Variants in SOBP observed in about 807,000 individuals in gnomAD.
SOBP encodes the protein sine oculis-binding protein homolog.
In SOBP, 4 loss-of-function variants were observed where a neutral mutation model predicts 53.6. The observed-to-expected ratio is 0.07, with a 90% CI of 0.04 to 0.17. The LOEUF (loss-of-function observed/expected upper bound fraction) is 0.17. SOBP is among the 10% of genes least tolerant of loss of function. The pLI is 1.00. For synonymous variants in SOBP, 584 were observed against 522.6 expected (o/e 1.12, Z -1.60); for missense variants, 1,088 against 1,204.7 (o/e 0.90, Z 1.43).
intron 4 of SOBP, among the ~76,000 whole-genome samples, chr6:107,575,197 G>A (rs1438340986): frequency 1.3e-5 from 2 of 152,188 alleles, no homozygotes; most frequent in African/African-American, 4.8e-5. Context: ...TGGCAAAATG[G>A]AGGTGGTGAG....
rs557437301 is a variant in SOBP, at chr6:107,499,274, C to T, written c.97-4383C>T. ...ATCTCTCATGCCTGTCTTTTACCTT[C>T]TTGATGTTCTAATTTTCTGTCGTGA... On this transcript the variant is annotated intron_variant, in intron 1 of 6. Transcript: ENST00000317357. Among the ~76,000 whole-genome samples the T allele has an allele frequency of 3.3e-5, 5 of 152,146 alleles. No homozygotes were observed. In the South Asian group the frequency reaches 1.0e-3, roughly 32 times the overall value.
chr6:107,581,446 A>C (rs1785400137), intron 4 of SOBP, among the ~76,000 whole-genome samples: 2 of 152,144 alleles, frequency 1.3e-5, no homozygotes, highest in African/African-American at 4.8e-5. Context: ...ACTCCAGGGG[A>C]GGCAGGGAGC....
At chr6:107,621,528 G>A (rs1770173760) in intron 5 of SOBP, among the ~76,000 whole-genome samples, 1 of 152,114 alleles carries the variant, frequency 6.6e-6, no homozygotes, top group South Asian at 2.1e-4. Context: ...ACGTATCTAG[G>A]AAATTGCCAC....
chr6:107,547,244 G>A lies in SOBP; in HGVS notation c.573+13634G>A, dbSNP rs146546450. Among the ~76,000 whole-genome samples the A allele has an allele frequency of 4.0e-3, 611 of 152,264 alleles. 4 individuals are homozygous for A. The highest frequency in any genetic ancestry group is 0.014 in the African/African-American group (562 of 41,542). ...GGGAACAAAACGTTTTAATCCTCACGTCCCTGATATGGGCTGACTCTCAGC... is the reference window on the plus strand; with the variant it reads ...GGGAACAAAACGTTTTAATCCTCACATCCCTGATATGGGCTGACTCTCAGC... On this transcript the variant is annotated intron_variant, in intron 4 of 6. Transcript: ENST00000317357.
chr6:107,552,780 A>G (rs1200715806), intron 4 of SOBP, among the ~76,000 whole-genome samples: 1 of 152,120 alleles, frequency 6.6e-6, no homozygotes, highest in Non-Finnish European at 1.5e-5. Flanking sequence ...GCCACTGATC[A>G]GGGGTGGTGG....
chr6:107,570,678 C>T (rs1785048645), intron 4 of SOBP, among the ~76,000 whole-genome samples: 1 of 152,212 alleles, frequency 6.6e-6, no homozygotes, highest in African/African-American at 2.4e-5. Context: ...TTCTTTCAGC[C>T]ACCAGTCTGG....
chr6:107,532,718 A>G (rs1407987198), intron 3 of SOBP, among the ~76,000 whole-genome samples: 1 of 152,204 alleles, frequency 6.6e-6, no homozygotes, highest in Non-Finnish European at 1.5e-5. Flanking sequence ...GCTGAGAATG[A>G]TCTGGCATTC....
At chr6:107,571,617 C>G (rs1785075571) in intron 4 of SOBP, among the ~76,000 whole-genome samples, 1 of 152,214 alleles carries the variant, frequency 6.6e-6, no homozygotes, top group Non-Finnish European at 1.5e-5. Context: ...GATTACACAC[C>G]TGTCAGCCAT....
intron 4 of SOBP, among the ~76,000 whole-genome samples, chr6:107,549,127 C>A (rs1583199927): frequency 6.6e-6 from 1 of 151,928 alleles, no homozygotes; most frequent in East Asian, 1.9e-4. Flanking sequence ...ATTAGCTGGG[C>A]ATGATGGCAG....
intron 6 of SOBP, among the ~76,000 whole-genome samples, chr6:107,653,057 G>A (rs1215157338): frequency 6.6e-6 from 1 of 152,118 alleles, no homozygotes; most frequent in Non-Finnish European, 1.5e-5. Flanking sequence ...CAAACCTCCA[G>A]TATCTCCCAC....
At chr6:107,583,688 G>A (rs1253000016) in intron 4 of SOBP, among the ~76,000 whole-genome samples, 2 of 152,060 alleles carry the variant, frequency 1.3e-5, no homozygotes, top group African/African-American at 4.8e-5. Flanking sequence ...ACCACACCTG[G>A]CTAGTTTTTG....
chr6:107,532,789 A>G (rs564019833), intron 3 of SOBP, among the ~76,000 whole-genome samples: 4 of 152,292 alleles, frequency 2.6e-5, no homozygotes, highest in African/African-American at 7.2e-5. Flanking sequence ...AATTTCAATC[A>G]GGCCTGCATC....
chr6:107,651,772 G>T (rs750066241), intron 6 of SOBP, among the ~76,000 whole-genome samples: 2 of 152,208 alleles, frequency 1.3e-5, no homozygotes, highest in Non-Finnish European at 2.9e-5. Flanking sequence ...GGCTAATGCT[G>T]CCGGTGACCT....
chr6:107,584,562 G>C (rs190249366), intron 4 of SOBP, among the ~76,000 whole-genome samples: 1 of 152,238 alleles, frequency 6.6e-6, no homozygotes, highest in East Asian at 1.9e-4. Flanking sequence ...CTGGAGTCAG[G>C]GTGGGTGTTA....
chr6:107,561,561 G>A (rs1784772790), intron 4 of SOBP, among the ~76,000 whole-genome samples: 1 of 152,184 alleles, frequency 6.6e-6, no homozygotes. Flanking sequence ...CATTTCTCTG[G>A]GAGGAGGTGC....
rs73762255 is a variant in SOBP at position 107,533,636 on chromosome 6, C to T, written c.573+26C>T. ...GTAAGAGCACCGGAGAGAGAGGCGG[C>T]CCCCCACAGGCCTCACCAGCCCACA... On this transcript the variant is annotated intron_variant, in intron 4 of 6. Transcript: ENST00000317357. 6.0e-4 allele frequency: 973 copies of T among 1,613,486 alleles called. 9 individuals carry two copies. The African/African-American group carries it at 0.01, about 17-fold the overall frequency.
chr6:107,618,839 A>G (rs148807339), intron 5 of SOBP, among the ~76,000 whole-genome samples: 51 of 152,314 alleles, frequency 3.3e-4, no homozygotes, highest in African/African-American at 1.2e-3. Flanking sequence ...TATTCATGAC[A>G]TCCTGTCGGG....
chr6:107,602,604 GGAA>G (rs1786226166), intron 5 of SOBP, among the ~76,000 whole-genome samples: 2 of 147,900 alleles, frequency 1.4e-5, no homozygotes, highest in Non-Finnish European at 3.0e-5. Context: ...GGAAAGGAAA[GGAA>G]GAAGGAGGAG....
At chr6:107,573,310 G>A (rs1041299296) in intron 4 of SOBP, among the ~76,000 whole-genome samples, 1 of 151,868 alleles carries the variant, frequency 6.6e-6, no homozygotes, top group African/African-American at 2.4e-5. Context: ...AGACTTTAAT[G>A]ATAAGAAAAG....
Sources: allele counts gnomAD v4.1 joint callset (sites outside exome capture counted in the v4.1 genomes callset), GRCh38; gene constraint gnomAD v4.1.1; transcripts MANE v1.5; gene names NCBI Gene and HGNC (gene_info 2026-07-23, HGNC 2026-07-21).